The following MYO7A variants were observed in gnomAD, a reference collection of about 807,000 sequenced individuals.
The protein encoded by MYO7A is unconventional myosin-VIIa.
Under a neutral mutation model 263.8 loss-of-function variants are expected in MYO7A, and 210 were observed. The ratio of observed to expected loss-of-function variants is 0.80; its 90% CI spans 0.71 to 0.89. The LOEUF is 0.89. Ranked by LOEUF, MYO7A falls within the 40% of genes least tolerant of loss-of-function variation. The pLI is 0.00. For synonymous variants in MYO7A, 1,239 were observed against 1,197.3 expected (o/e 1.03, Z -0.72); for missense variants, 2,820 against 2,968.3 (o/e 0.95, Z 1.16).
intron 2 of MYO7A, among the ~76,000 whole-genome samples, chr11:77,141,671 C>T (rs1248905338): frequency 2.6e-5 from 4 of 152,148 alleles, no homozygotes; most frequent in African/African-American, 7.2e-5. Context: ...TCCTTTCTGC[C>T]GCAGGGCCTT....
chr11:77,174,464 G>C (rs1954438053), intron 16 of MYO7A, among the ~76,000 whole-genome samples: 1 of 152,208 alleles, frequency 6.6e-6, no homozygotes, highest in Non-Finnish European at 1.5e-5. Flanking sequence ...CCTCCTGTCA[G>C]GGTTAGGGTG....
intron 40 of MYO7A, 134 bp downstream of exon 40, chr11:77,205,751 T>C: frequency 8.2e-7 from 1 of 1,215,074 alleles, no homozygotes; most frequent in Non-Finnish European, 1.1e-6. Context: ...AACTGCCAGC[T>C]AGACGGAGGT....
In MYO7A at chr11:77,172,603, G is replaced by A. The variant is rs868980514; in HGVS notation, c.1798-145G>A. The A allele has an allele frequency of 7.5e-4, 791 of 1,052,798 alleles. 1 individual carries two copies. The highest frequency in any genetic ancestry group is 7.1e-3 in the Middle Eastern group (23 of 3,240). The allele number at this position is 1,052,798 out of a possible 1,614,324, so 65.2% of individuals were successfully genotyped here. A position where few individuals can be genotyped will look rare whatever the true frequency, so the allele number is the denominator to read the frequency against. ...GCTCCAGCTCAGAAGGTGGGGAGAG[G>A]CAGTTTGCAGGAAAACTTCAAATAC... is the stretch of plus-strand genomic sequence containing the variant. On this transcript the variant is annotated intron_variant, in intron 15 of 48. Transcript: ENST00000409709.
At chr11:77,166,722 A>G (rs1446423206) in intron 15 of MYO7A, among the ~76,000 whole-genome samples, 6 of 152,078 alleles carry the variant, frequency 3.9e-5, no homozygotes, top group African/African-American at 1.4e-4. Context: ...TGAAGTCCTC[A>G]CGCAGAAGAC....
At chr11:77,205,043 T>C (rs1957350218) in intron 39 of MYO7A, among the ~76,000 whole-genome samples, 1 of 152,228 alleles carries the variant, frequency 6.6e-6, no homozygotes, top group African/African-American at 2.4e-5. Context: ...GTCTAACTCG[T>C]TGCCACTCAA....
Position 77,162,948 on chromosome 11 carries a change from C to T in MYO7A, c.1650C>T (p.Gly550=), listed in dbSNP as rs921101455. The T allele has an allele frequency of 6.2e-7, 1 of 1,613,878 alleles. No individual in the cohort carries two copies. The highest frequency in any genetic ancestry group is 8.5e-7 in the Non-Finnish European group (1 of 1,179,868). Residue 550 remains glycine, a synonymous_variant, in exon 14 of 49, where the codon GGC becomes GGT. Transcript: ENST00000409709. ...AGAACAACCATGAGACCCAGTTTGGCATCAACCATTTTGCAGGCATCGTCT... is the reference window on the plus strand; with the variant it reads ...AGAACAACCATGAGACCCAGTTTGGTATCAACCATTTTGCAGGCATCGTCT... ...PPKNNHETQF[G]INHFAGIVYY...
At position 77,205,570 on chromosome 11, in the gene MYO7A, C is replaced by G. The variant is rs727504024; in HGVS notation, c.5589C>G (p.His1863Gln). 6.2e-7 allele frequency: 1 copy of G among 1,613,234 alleles called. No individual in the cohort carries two copies. Among genetic ancestry groups the G allele is most frequent in the African/African-American group, 1.3e-5 (1 of 74,928 alleles). Residue 1863 changes from histidine (H) to glutamine (Q), a missense_variant, in exon 40 of 49, where the codon CAC (histidine) becomes CAG (glutamine). Transcript: ENST00000409709. ...HVQRFLQSRK[H>Q]CPLAIDCLQR... is the part of the protein sequence containing the mutation. ...AGCGCTTCCTGCAGTCCCGAAAGCACTGCCCACTCGCCATCGACTGCCTGC... is the reference window on the plus strand; with the variant it reads ...AGCGCTTCCTGCAGTCCCGAAAGCAGTGCCCACTCGCCATCGACTGCCTGC...
At chr11:77,212,594 C>T (rs139176286) in intron 46 of MYO7A, 2 of 379,050 alleles carry the variant, frequency 5.3e-6, no homozygotes, top group Non-Finnish European at 1.0e-5. Flanking sequence ...TGAGAGGATA[C>T]GTATGGTCTT....
intron 13 of MYO7A, 27 bp from the exon 14 acceptor site, chr11:77,162,826 G>T (rs1953126591): frequency 1.2e-6 from 2 of 1,601,946 alleles, no homozygotes; most frequent in Non-Finnish European, 1.7e-6. Context: ...GAGAGGGTGG[G>T]CTCACAGCTG....
chr11:77,201,521 G>T lies in MYO7A; in HGVS notation c.4926G>T (p.Gln1642His). 1 of 1,613,984 alleles carries T rather than the reference G, an allele frequency of 6.2e-7. No homozygotes were observed. The highest frequency in any genetic ancestry group is 8.5e-7 in the Non-Finnish European group (1 of 1,179,904). Residue 1642 changes from glutamine (Q) to histidine (H), a missense_variant, in exon 36 of 49, where the codon CAG becomes CAT. Coordinates refer to ENST00000409709, the MANE Select transcript of MYO7A (RefSeq NM_000260.4). The part of the protein sequence containing the change: ...LIILDHDTGE[Q>H]VMNSGWANGI... ...TCCTGGACCATGACACGGGCGAGCAGGTCATGAACTCGGGCTGGGCCAACG... is the reference window on the plus strand; with the variant it reads ...TCCTGGACCATGACACGGGCGAGCATGTCATGAACTCGGGCTGGGCCAACG...
At chr11:77,185,799 A>G (rs1214616505) in intron 27 of MYO7A, among the ~76,000 whole-genome samples, 1 of 152,248 alleles carries the variant, frequency 6.6e-6, no homozygotes, top group Non-Finnish European at 1.5e-5. Context: ...TATGGCAGCA[A>G]TAGTCTTATA....
chr11:77,206,188 G>A lies in MYO7A; in HGVS notation c.5728G>A (p.Asp1910Asn), dbSNP rs763996702. The A allele has an allele frequency of 6.2e-7, 1 of 1,612,332 alleles. No homozygotes were observed. The highest frequency in any genetic ancestry group is 1.7e-5 in the Admixed American group (1 of 59,828). The change falls in exon 41 of 49, where the codon GAT becomes AAT. Residue 1910 changes from aspartate to asparagine, a missense_variant. Physicochemically the swap from Asp to Asn is conservative, Grantham distance 23. Transcript: ENST00000409709. ...TQIFHKVYFP[D>N]DTDEAFEVES... ...GATTTTCCACAAAGTCTACTTCCCT[G>A]ATGACACTGACGAGGTGAGGGTCAC...
Position 77,214,597 on chromosome 11 carries a change from C to A in MYO7A, c.6559-10C>A. 1 of 1,558,862 alleles carries A rather than the reference C, an allele frequency of 6.4e-7. No individual in the cohort carries two copies. Among genetic ancestry groups the A allele is most frequent in the East Asian group, 2.4e-5 (1 of 42,248 alleles). ...CGTGTGCTCGCTTATCTTCTCACCC[C>A]TGCTTCCAGGGCTACAAGATGGATG... On this transcript the variant is annotated splice_polypyrimidine_tract_variant and intron_variant, in intron 48 of 48. Transcript: ENST00000409709.
At chr11:77,167,679 C>T (rs1400009063) in intron 15 of MYO7A, among the ~76,000 whole-genome samples, 1 of 152,184 alleles carries the variant, frequency 6.6e-6, no homozygotes, top group Non-Finnish European at 1.5e-5. Flanking sequence ...CCCTCCATTT[C>T]CTCTCTGCCA....
intron 15 of MYO7A, 39 bp downstream of exon 15, chr11:77,166,201 C>G: frequency 6.4e-7 from 1 of 1,568,662 alleles, no homozygotes; most frequent in Non-Finnish European, 8.8e-7. Context: ...GGAAGGGCCC[C>G]CACGGGCCAG....
At chr11:77,213,148 C>T (rs1248237505) in intron 47 of MYO7A, 113 bp downstream of exon 47, 7 of 813,674 alleles carry the variant, frequency 8.6e-6, no homozygotes, top group African/African-American at 3.5e-5. Context: ...CTAGACTCAT[C>T]CACCCATCAC....
chr11:77,209,871 G>A (rs7124217), intron 44 of MYO7A, among the ~76,000 whole-genome samples: 81,064 of 151,618 alleles, frequency 0.53, 21,813 homozygotes, highest in Middle Eastern at 0.61. Context: ...CCCCGTCCTG[G>A]CCGTGGCCCT....
chr11:77,208,606 C>T (rs1957626840), intron 43 of MYO7A, 89 bp downstream of exon 43: 1 of 1,510,994 alleles, frequency 6.6e-7, no homozygotes. Flanking sequence ...CTAGGCGGGC[C>T]TGAGTGAGGG....
At chr11:77,140,456 C>G (rs1245749492) in intron 2 of MYO7A, among the ~76,000 whole-genome samples, 1 of 152,262 alleles carries the variant, frequency 6.6e-6, no homozygotes, top group Non-Finnish European at 1.5e-5. Flanking sequence ...GGGCACGTTT[C>G]TTGACCTCTT....
Sources: allele counts gnomAD v4.1 joint callset (sites outside exome capture counted in the v4.1 genomes callset), GRCh38; gene constraint gnomAD v4.1.1; transcripts MANE v1.5; gene names NCBI Gene and HGNC (gene_info 2026-07-23, HGNC 2026-07-21).